Variants in TMEM163 observed in about 807,000 individuals in gnomAD.
TMEM163 encodes transmembrane protein 163.
TMEM163 carries 17 observed loss-of-function variants against 29.3 expected under a neutral mutation model. The ratio of observed to expected loss-of-function variants is 0.58; its 90% CI spans 0.40 to 0.87. The LOEUF (loss-of-function observed/expected upper bound fraction) is 0.87, where lower values mean the gene tolerates loss of function less well. Ranked by LOEUF, TMEM163 falls within the 40% of genes least tolerant of loss-of-function variation. The pLI is 0.00. For synonymous variants in TMEM163, 157 were observed against 160.6 expected, an observed-to-expected ratio of 0.98 and a Z score of 0.17; for missense variants, 303 against 381.5, an observed-to-expected ratio of 0.79 and a Z score of 1.71.
At chr2:134,493,357 G>A (rs150092740) in intron 5 of TMEM163, among the ~76,000 whole-genome samples, 2,406 of 113,128 alleles carry the variant, frequency 0.021, 89 homozygotes, top group East Asian at 0.18. Flanking sequence ...TCAAGCTTTT[G>A]GTGTCTTTTT....
At chr2:134,699,094 C>G (rs1684640209) in intron 2 of TMEM163, among the ~76,000 whole-genome samples, 1 of 152,130 alleles carries the variant, frequency 6.6e-6, no homozygotes, top group Non-Finnish European at 1.5e-5. Context: ...CACATTTTAA[C>G]AACTCTGGAA....
chr2:134,488,017 A>AG (rs1679349026), intron 5 of TMEM163, among the ~76,000 whole-genome samples: 3 of 152,162 alleles, frequency 2.0e-5, no homozygotes, highest in African/African-American at 7.2e-5. Flanking sequence ...AAAAAAAAAA[A>AG]AGACTGATAA....
intron 2 of TMEM163, among the ~76,000 whole-genome samples, chr2:134,670,507 AGCCAC>A (rs1683970511): frequency 6.6e-6 from 1 of 152,184 alleles, no homozygotes; most frequent in Non-Finnish European, 1.5e-5. Flanking sequence ...CTACCACAAC[AGCCAC>A]GCCTACAGAG....
chr2:134,632,979 C>T (rs897004597), intron 2 of TMEM163, among the ~76,000 whole-genome samples: 1 of 146,540 alleles, frequency 6.8e-6, no homozygotes, highest in Non-Finnish European at 1.5e-5. Flanking sequence ...GGGATGGTCT[C>T]GATCTCCTGA....
chr2:134,577,381 G>T (rs1472229331), intron 2 of TMEM163, among the ~76,000 whole-genome samples: 1 of 152,154 alleles, frequency 6.6e-6, no homozygotes, highest in Non-Finnish European at 1.5e-5. Context: ...CGGCGAAAAT[G>T]AAGAGATTGT....
Position 134,458,091 on chromosome 2 carries a change from C to A in TMEM163, c.750G>T (p.Trp250Cys). 1.2e-6 allele frequency: 2 copies of A among 1,614,204 alleles called. No individual in the cohort carries two copies. Among genetic ancestry groups the A allele is most frequent in the Non-Finnish European group, 1.7e-6 (2 of 1,180,040 alleles). Residue 250 changes from tryptophan (W) to cysteine (C), a missense_variant, in exon 7 of 8, where the codon TGG becomes TGT. Transcript: ENST00000281924. ...AEVFKHDSAV[W>C]YLDGSIGVLI... ...GAACGCCTATGCTGCCGTCCAGGTA[C>A]CAGACCGCCGAGTCATGCTTGAACA...
chr2:134,540,573 G>A (rs1680643092), intron 4 of TMEM163, among the ~76,000 whole-genome samples: 1 of 152,232 alleles, frequency 6.6e-6, no homozygotes, highest in African/African-American at 2.4e-5. Context: ...TCACACTGGT[G>A]AAACTGAATC....
chr2:134,647,782 C>T (rs148024315), intron 2 of TMEM163, among the ~76,000 whole-genome samples: 77 of 152,348 alleles, frequency 5.1e-4, no homozygotes, highest in African/African-American at 1.8e-3. Flanking sequence ...GGACTCCACT[C>T]ATTCAGTCCC....
intron 2 of TMEM163, among the ~76,000 whole-genome samples, chr2:134,657,658 T>C (rs58499983): frequency 0.15 from 22,739 of 151,848 alleles, 2,509 homozygotes; most frequent in African/African-American, 0.31. Context: ...AAAAAATTAG[T>C]TGGGCGTGGT....
chr2:134,530,879 G>A (rs933028936), intron 4 of TMEM163, among the ~76,000 whole-genome samples: 4 of 152,070 alleles, frequency 2.6e-5, no homozygotes, highest in East Asian at 1.9e-4. Context: ...ACAAGCGCAC[G>A]CACACACAAC....
chr2:134,693,608 CA>C (rs35183610), intron 2 of TMEM163, among the ~76,000 whole-genome samples: 2,226 of 66,630 alleles, frequency 0.033, 28 homozygotes, highest in African/African-American at 0.042. Context: ...AAAACTACAT[CA>C]AAAAAAAAAA....
rs370325003 is a variant in TMEM163, at chr2:134,677,731, C to T, written c.322+35469G>A. Among the ~76,000 whole-genome samples, 7 of 152,062 alleles carry T rather than the reference C, an allele frequency of 4.6e-5. No individual in the cohort carries two copies. The South Asian group carries it at 1.5e-3, about 32-fold the overall frequency. On this transcript the variant is annotated intron_variant, in intron 2 of 7. Coordinates refer to ENST00000281924, the MANE Select transcript of TMEM163 (RefSeq NM_030923.5). ...ATACAGAAGAGTAGAGGATTATTTC[C>T]CATTTTTTCCAAAATGATGTGTTAC...
chr2:134,566,600 G>A (rs1461827721), intron 2 of TMEM163, among the ~76,000 whole-genome samples: 48 of 152,238 alleles, frequency 3.2e-4, no homozygotes, highest in Non-Finnish European at 4.4e-5. Context: ...GAGTGCTGGT[G>A]AGGGCATGAG....
chr2:134,559,146 T>C (rs1235789120), intron 2 of TMEM163, among the ~76,000 whole-genome samples: 1 of 152,152 alleles, frequency 6.6e-6, no homozygotes, highest in East Asian at 1.9e-4. Context: ...CTCCCAGTGG[T>C]GCCAATGCTA....
chr2:134,584,549 T>C (rs1226548599), intron 2 of TMEM163, among the ~76,000 whole-genome samples: 1 of 151,138 alleles, frequency 6.6e-6, no homozygotes, highest in African/African-American at 2.4e-5. Flanking sequence ...CAAGGCACAA[T>C]CCTCAATGTT....
intron 2 of TMEM163, among the ~76,000 whole-genome samples, chr2:134,693,237 C>T (rs1299536625): frequency 6.6e-6 from 1 of 152,104 alleles, no homozygotes; most frequent in African/African-American, 2.4e-5. Context: ...TGATATGGGC[C>T]CTGCTTGAAG....
intron 4 of TMEM163, among the ~76,000 whole-genome samples, chr2:134,530,351 A>G (rs116312210): frequency 0.022 from 3,332 of 152,270 alleles, 110 homozygotes; most frequent in African/African-American, 0.075. Flanking sequence ...GGTTCACTGT[A>G]ACCTCAATCA....
At chr2:134,684,636 TA>T (rs1684315913) in intron 2 of TMEM163, among the ~76,000 whole-genome samples, 1 of 151,982 alleles carries the variant, frequency 6.6e-6, no homozygotes, top group South Asian at 2.1e-4. Flanking sequence ...AGAGATACCT[TA>T]AAAGCAGGCC....
intron 2 of TMEM163, among the ~76,000 whole-genome samples, chr2:134,614,103 TATA>T (rs1407913181): frequency 6.6e-6 from 1 of 152,102 alleles, no homozygotes; most frequent in Non-Finnish European, 1.5e-5. Context: ...ATCAACACAA[TATA>T]ATACTGGCAA....
Sources: allele counts gnomAD v4.1 joint callset (sites outside exome capture counted in the v4.1 genomes callset), GRCh38; gene constraint gnomAD v4.1.1; transcripts MANE v1.5; gene names NCBI Gene and HGNC (gene_info 2026-07-23, HGNC 2026-07-21).